Variants in SBF2 observed in about 807,000 individuals in gnomAD.
The protein encoded by SBF2 is SET binding factor 2, also known as myotubularin-related protein 13.
Under a neutral mutation model 225.2 loss-of-function variants are expected in SBF2, and 112 were observed. The ratio of observed to expected loss-of-function variants is 0.50; its 90% confidence interval spans 0.43 to 0.58. The LOEUF is 0.58. Ranked by LOEUF, SBF2 falls within the 20% of genes least tolerant of loss-of-function variation. The probability of loss-of-function intolerance (pLI) is 0.00; values close to 1 mark genes in which losing one functional copy is unlikely to be tolerated. For synonymous variants in SBF2, 763 were observed against 773.3 expected, an observed-to-expected ratio of 0.99 and a Z score of 0.22; for missense variants, 1,996 against 2,206.2, an observed-to-expected ratio of 0.90 and a Z score of 1.91.
intron 1 of SBF2, among the ~76,000 whole-genome samples, 174 bp downstream of exon 1, chr11:10,293,841 A>AC (rs1381149347): frequency 6.7e-6 from 1 of 148,228 alleles, no homozygotes; most frequent in Non-Finnish European, 1.5e-5. Flanking sequence ...CGGCCCCCCC[A>AC]CGCCCACCGC....
At chr11:9,897,422 G>C (rs1861354889) in intron 16 of SBF2, among the ~76,000 whole-genome samples, 1 of 151,998 alleles carries the variant, frequency 6.6e-6, no homozygotes, top group Non-Finnish European at 1.5e-5. Context: ...ATTTTTAGTA[G>C]AGACGGGGTT....
intron 16 of SBF2, among the ~76,000 whole-genome samples, chr11:9,945,222 C>T (rs1865495391): frequency 6.6e-6 from 1 of 152,176 alleles, no homozygotes; most frequent in Non-Finnish European, 1.5e-5. Context: ...TAACCAAAAT[C>T]AGGATGGCAC....
At chr11:9,864,311 T>C (rs1436283416) in intron 17 of SBF2, among the ~76,000 whole-genome samples, 1 of 152,190 alleles carries the variant, frequency 6.6e-6, no homozygotes, top group Non-Finnish European at 1.5e-5. Flanking sequence ...ACGAGAGGTA[T>C]ATTCATCCAC....
At chr11:10,297,530 T>A (rs137857702), upstream of SBF2, among the ~76,000 whole-genome samples, 67 of 152,386 alleles carry the variant, frequency 4.4e-4, no homozygotes, top group African/African-American at 1.5e-3. Context: ...TTTAGTACTT[T>A]GACCCATTTT....
At chr11:10,250,427 A>G (rs182385207) in intron 1 of SBF2, among the ~76,000 whole-genome samples, 2 of 152,330 alleles carry the variant, frequency 1.3e-5, no homozygotes, top group African/African-American at 4.8e-5. Context: ...AAGGGTCTGC[A>G]TTCCATGACT....
intron 2 of SBF2, among the ~76,000 whole-genome samples, chr11:10,193,641 C>G (rs1216409494): frequency 6.6e-6 from 1 of 151,958 alleles, no homozygotes; most frequent in South Asian, 2.1e-4. Context: ...CATGAGCCAC[C>G]GCGCCTGGCC....
chr11:9,784,199 G>A (rs1852216840), intron 38 of SBF2, 152 bp downstream of exon 38: 2 of 658,610 alleles, frequency 3.0e-6, no homozygotes, highest in Non-Finnish European at 5.4e-6. Context: ...AGGGACATCT[G>A]GGGCCCTTGA....
intron 2 of SBF2, among the ~76,000 whole-genome samples, chr11:10,118,420 G>T (rs1011575997): frequency 1.3e-5 from 2 of 152,046 alleles, no homozygotes; most frequent in African/African-American, 2.4e-5. Context: ...ATTCACCAGG[G>T]TATTAATCTT....
At chr11:9,803,776 A>G (rs1303078908) in intron 32 of SBF2, among the ~76,000 whole-genome samples, 1 of 152,126 alleles carries the variant, frequency 6.6e-6, no homozygotes, top group African/African-American at 2.4e-5. Flanking sequence ...GAGGTAAAAA[A>G]CCCAAAAGGG....
At chr11:10,070,018 G>C (rs1366249864) in intron 2 of SBF2, among the ~76,000 whole-genome samples, 2 of 151,798 alleles carry the variant, frequency 1.3e-5, no homozygotes, top group East Asian at 1.9e-4. Flanking sequence ...TTTTTTTCTT[G>C]TAAATTTGTT....
chr11:9,918,958 G>A (rs1451249208), intron 16 of SBF2, among the ~76,000 whole-genome samples: 1 of 151,972 alleles, frequency 6.6e-6, no homozygotes, highest in Non-Finnish European at 1.5e-5. Context: ...TAGCCAGGAT[G>A]GTCTTGATCT....
chr11:9,810,703 A>G (rs1466204117), intron 30 of SBF2: 2 of 152,254 alleles, frequency 1.3e-5, no homozygotes, highest in Non-Finnish European at 2.9e-5. Context: ...TTAAAAAGTC[A>G]AAAAATAACA....
chr11:9,865,688 C>CAAAAAAAAAAAAAA (rs1174863548), intron 17 of SBF2, among the ~76,000 whole-genome samples: 2 of 14,844 alleles, frequency 1.3e-4, no homozygotes, highest in African/African-American at 2.6e-4. Context: ...AAAACTGTCT[C>CAAAAAAAAAAAAAA]AAAAAAAAAA....
At chr11:9,906,212 T>C (rs549842158) in intron 16 of SBF2, among the ~76,000 whole-genome samples, 1 of 152,324 alleles carries the variant, frequency 6.6e-6, no homozygotes, top group African/African-American at 2.4e-5. Flanking sequence ...GGCAATAAAG[T>C]TCAACAGACT....
intron 1 of SBF2, 98 bp downstream of exon 1, chr11:10,293,916 CT>C: frequency 1.3e-6 from 1 of 791,994 alleles, no homozygotes; most frequent in Non-Finnish European, 1.7e-6. Context: ...CGGCCTGGCC[CT>C]CCCCGACGCC....
intron 2 of SBF2, among the ~76,000 whole-genome samples, chr11:10,112,642 G>C (rs1245773482): frequency 6.6e-6 from 1 of 152,132 alleles, no homozygotes; most frequent in Non-Finnish European, 1.5e-5. Context: ...CACATCTTTG[G>C]GGAAAATAAA....
chr11:9,886,766 G>C (rs1860353536), intron 17 of SBF2, among the ~76,000 whole-genome samples: 1 of 140,542 alleles, frequency 7.1e-6, no homozygotes, highest in Admixed American at 7.5e-5. Flanking sequence ...ATTCCCACCT[G>C]CAAGATAAAT....
At chr11:10,165,812 T>C (rs147891561) in intron 2 of SBF2, among the ~76,000 whole-genome samples, 52 of 152,298 alleles carry the variant, frequency 3.4e-4, no homozygotes, top group Non-Finnish European at 5.9e-5. Context: ...CTTCAACTCT[T>C]GAAAAAGGAA....
chr11:9,915,445 CAAA>C (rs60692182), intron 16 of SBF2, among the ~76,000 whole-genome samples: 72 of 109,616 alleles, frequency 6.6e-4, no homozygotes, highest in South Asian at 9.1e-4. Flanking sequence ...GAGTCCGTCT[CAAA>C]AAAAAAAAAA....
Sources: allele counts gnomAD v4.1 joint callset (sites outside exome capture counted in the v4.1 genomes callset), GRCh38; gene constraint gnomAD v4.1.1; transcripts MANE v1.5; gene names NCBI Gene and HGNC (gene_info 2026-07-23, HGNC 2026-07-21).